Variants in HPSE2 observed in about 807,000 individuals in gnomAD.
HPSE2 encodes heparanase 2 (inactive), also known as inactive heparanase-2.
HPSE2 carries 38 observed loss-of-function variants against 60.5 expected under a neutral mutation model. The ratio of observed to expected loss-of-function variants is 0.63; its 90% CI spans 0.48 to 0.82. HPSE2 has a LOEUF of 0.82. HPSE2 is among the 40% of genes least tolerant of loss of function. The pLI, the probability that HPSE2 is intolerant of heterozygous loss-of-function variation, is 0.00. For missense variants in HPSE2, 713 were observed against 740.4 expected, an observed-to-expected ratio of 0.96 and a Z score of 0.43; for synonymous variants, 295 against 293.2, an observed-to-expected ratio of 1.01 and a Z score of -0.06.
chr10:98,607,746 A>C (rs1945634587), intron 9 of HPSE2, among the ~76,000 whole-genome samples: 1 of 152,216 alleles, frequency 6.6e-6, no homozygotes, highest in South Asian at 2.1e-4. Flanking sequence ...TCCTTTAGTC[A>C]TCATTGCTTG....
chr10:98,582,859 C>T (rs1460966749), intron 9 of HPSE2, among the ~76,000 whole-genome samples: 1 of 152,098 alleles, frequency 6.6e-6, no homozygotes, highest in Non-Finnish European at 1.5e-5. Context: ...ATTTTCATCA[C>T]CCACAAAAGA....
chr10:99,080,947 AATTCT>A lies in HPSE2; in HGVS notation c.610+63286_610+63290del, dbSNP rs1843113168. On this transcript the variant is annotated intron_variant, in intron 3 of 11. Coordinates refer to ENST00000370552, the MANE Select transcript of HPSE2 (RefSeq NM_021828.5). ...AGAATATTTGAAGCTATGTTTCTTG[AATTCT>A]AAAATTTTAAATTTTGTATTTTTAG... 4.6e-5 allele frequency among the ~76,000 whole-genome samples: 7 copies of A among 152,244 alleles called. No homozygotes were observed. The South Asian group carries it at 1.0e-3, about 23-fold the overall frequency.
intron 9 of HPSE2, among the ~76,000 whole-genome samples, chr10:98,583,339 T>G (rs1944855336): frequency 6.6e-6 from 1 of 152,232 alleles, no homozygotes; most frequent in African/African-American, 2.4e-5. Context: ...TTGCTCGAGC[T>G]AACTCCCCCT....
chr10:99,109,286 C>G (rs1290304622), intron 3 of HPSE2, among the ~76,000 whole-genome samples: 1 of 152,080 alleles, frequency 6.6e-6, no homozygotes, highest in African/African-American at 2.4e-5. Flanking sequence ...GAAAAAACAG[C>G]CTCAGTTTAT....
chr10:98,945,980 A>G (rs1302185304), intron 3 of HPSE2, among the ~76,000 whole-genome samples: 2 of 152,156 alleles, frequency 1.3e-5, no homozygotes, highest in Non-Finnish European at 2.9e-5. Flanking sequence ...GATTTTTTCA[A>G]TAAGATATAT....
At chr10:99,227,728 G>C (rs1849516150) in intron 2 of HPSE2, among the ~76,000 whole-genome samples, 1 of 150,932 alleles carries the variant, frequency 6.6e-6, no homozygotes, top group Non-Finnish European at 1.5e-5. Flanking sequence ...ATAAAGGCTA[G>C]ACATTGTGGA....
intron 2 of HPSE2, among the ~76,000 whole-genome samples, chr10:99,227,447 T>C (rs1190891183): frequency 6.6e-6 from 1 of 152,008 alleles, no homozygotes; most frequent in Non-Finnish European, 1.5e-5. Context: ...AACTGGGTAA[T>C]AAAGTTAATT....
At chr10:98,706,767 T>A (rs1948558022) in intron 5 of HPSE2, among the ~76,000 whole-genome samples, 1 of 152,090 alleles carries the variant, frequency 6.6e-6, no homozygotes, top group Admixed American at 6.6e-5. Context: ...AGGGAACAAG[T>A]AAGGGAATGG....
At chr10:99,308,205 T>C in the HPSE2 span, among the ~76,000 whole-genome samples, 1 of 151,444 alleles carries the variant, frequency 6.6e-6, no homozygotes, top group East Asian at 1.9e-4. Flanking sequence ...CTGGCCAACA[T>C]GGTGAAATCC....
At chr10:98,706,562 A>G (rs546283290) in intron 5 of HPSE2, among the ~76,000 whole-genome samples, 79 of 152,320 alleles carry the variant, frequency 5.2e-4, no homozygotes, top group African/African-American at 1.7e-3. Flanking sequence ...CAGTAAGAGG[A>G]GCAGTTAGGT....
chr10:98,953,290 T>C (rs182159234), intron 3 of HPSE2, among the ~76,000 whole-genome samples: 1 of 152,308 alleles, frequency 6.6e-6, no homozygotes, highest in Admixed American at 6.5e-5. Context: ...GATAGGATTC[T>C]TCCCACATGA....
chr10:98,762,811 C>G (rs1950035746), intron 3 of HPSE2, among the ~76,000 whole-genome samples: 3 of 151,824 alleles, frequency 2.0e-5, no homozygotes, highest in Middle Eastern at 6.8e-3. Flanking sequence ...TAAAACAAAA[C>G]AAAAAGAAAA....
intron 6 of HPSE2, among the ~76,000 whole-genome samples, chr10:98,653,252 G>A (rs1946965689): frequency 6.6e-6 from 1 of 152,000 alleles, no homozygotes; most frequent in African/African-American, 2.4e-5. Context: ...TGTTTAAATT[G>A]GGTTTATTGT....
chr10:99,302,722 T>C, the HPSE2 span, among the ~76,000 whole-genome samples: 1 of 151,862 alleles, frequency 6.6e-6, no homozygotes, highest in South Asian at 2.1e-4. Flanking sequence ...CTGTTCAAAT[T>C]AGGTTTTCAA....
chr10:99,186,785 A>AT (rs1412670008), intron 2 of HPSE2, among the ~76,000 whole-genome samples: 1 of 151,954 alleles, frequency 6.6e-6, no homozygotes, highest in East Asian at 1.9e-4. Flanking sequence ...TGTCAAAAAC[A>AT]TTTTTTTGTG....
At chr10:99,206,199 G>C (rs1169426320) in intron 2 of HPSE2, among the ~76,000 whole-genome samples, 3 of 152,120 alleles carry the variant, frequency 2.0e-5, no homozygotes, top group African/African-American at 4.8e-5. Context: ...TACAACAGCA[G>C]GTGCAAAAAC....
the HPSE2 span, among the ~76,000 whole-genome samples, chr10:99,266,253 A>G: frequency 6.6e-6 from 1 of 152,124 alleles, no homozygotes; most frequent in Non-Finnish European, 1.5e-5. Flanking sequence ...TGCCTGAGGC[A>G]AGTTCTCAGC....
At chr10:98,530,765 G>A (rs966421343) in intron 9 of HPSE2, among the ~76,000 whole-genome samples, 2 of 152,194 alleles carry the variant, frequency 1.3e-5, no homozygotes. Context: ...AGAGTCAGAT[G>A]TAGGAAAGGA....
chr10:99,008,364 C>T (rs545541555), intron 3 of HPSE2, among the ~76,000 whole-genome samples: 11 of 152,260 alleles, frequency 7.2e-5, no homozygotes, highest in East Asian at 5.8e-4. Flanking sequence ...CCTTGATCAA[C>T]GCCAGCTTCC....
Sources: gnomAD v4.1 joint callset for allele counts (sites outside exome capture counted in the v4.1 genomes callset) on GRCh38, gnomAD v4.1.1 for gene constraint, MANE v1.5 for transcripts, NCBI Gene and HGNC (gene_info 2026-07-23, HGNC 2026-07-21) for gene names.